The following SEC23B variants were observed in gnomAD, a reference collection of about 807,000 sequenced individuals.
SEC23B encodes the protein protein transport protein Sec23B.
A neutral mutation model predicts 104.3 loss-of-function variants in SEC23B; 77 were observed. The ratio of observed to expected loss-of-function variants is 0.74; its 90% confidence interval spans 0.61 to 0.89. The LOEUF (loss-of-function observed/expected upper bound fraction) is 0.89, where lower values mean the gene tolerates loss of function less well. Ranked by LOEUF, SEC23B falls within the 40% of genes least tolerant of loss-of-function variation. The pLI is 0.00. For missense variants in SEC23B, 885 were observed against 949.4 expected, an observed-to-expected ratio of 0.93 and a Z score of 0.89; for synonymous variants, 338 against 332.5, an observed-to-expected ratio of 1.02 and a Z score of -0.18.
At position 18,507,968 on chromosome 20, in the gene SEC23B, G is replaced by C. The variant is rs561213394; in HGVS notation, c.-19G>C. ...GCAGCTGTGGGTGAGGACGGCTCTA[G>C]CTAGGTGAGCGGCTCCGGCCAGGTG... On this transcript the variant is annotated 5_prime_UTR_variant, in exon 1 of 20. Coordinates refer to ENST00000650089, the MANE Select transcript of SEC23B (RefSeq NM_006363.6). 6.5e-6 allele frequency: 1 copy of C among 152,698 alleles called. No individual in the cohort carries two copies. Among genetic ancestry groups the C allele is most frequent in the Non-Finnish European group, 1.5e-5 (1 of 68,418 alleles). The allele number at this position is 152,698 out of a possible 1,614,324, so 9.5% of individuals were successfully genotyped here.
At chr20:18,534,462 A>G (rs2148907474) in intron 11 of SEC23B, among the ~76,000 whole-genome samples, 1 of 152,310 alleles carries the variant, frequency 6.6e-6, no homozygotes, top group African/African-American at 2.4e-5. Flanking sequence ...GTTCCTGGGC[A>G]GTGTGTACTT....
chr20:18,512,558 C>T (rs1463818586), intron 3 of SEC23B, among the ~76,000 whole-genome samples: 2 of 152,102 alleles, frequency 1.3e-5, no homozygotes, highest in African/African-American at 4.8e-5. Flanking sequence ...GAATCTGTGA[C>T]CCAAAGAAAG....
chr20:18,511,434 C>A (rs1013682024), intron 2 of SEC23B, among the ~76,000 whole-genome samples: 1 of 151,636 alleles, frequency 6.6e-6, no homozygotes, highest in Non-Finnish European at 1.5e-5. Context: ...TTCCCGGGTA[C>A]AGTGATGCTA....
Position 18,526,386 on chromosome 20 carries a change from A to G in SEC23B, c.848A>G (p.Asn283Ser). The change falls in exon 8 of 20, where the codon AAC becomes AGC. Residue 283 changes from asparagine (N) to serine (S), a missense_variant. Coordinates refer to ENST00000650089, the MANE Select transcript of SEC23B (RefSeq NM_006363.6). The part of the protein sequence containing the change: ...AVGLLEGTFP[N>S]TGARIMLFTG... ...TCGCTATTTTAGGGCACTTTTCCAA[A>G]CACAGGAGCCAGGATCATGCTGTTT... 2 of 1,614,106 alleles carry G rather than the reference A, an allele frequency of 1.2e-6. No individual in the cohort carries two copies. Among genetic ancestry groups the G allele is most frequent in the Non-Finnish European group, 1.7e-6 (2 of 1,179,964 alleles).
Position 18,527,626 on chromosome 20 carries a change from A to G in SEC23B, c.1109+15A>G, listed in dbSNP as rs776980592. 5 of 1,446,004 alleles carry G rather than the reference A, an allele frequency of 3.5e-6. No homozygotes were observed. The South Asian group carries it at 5.7e-5, about 16-fold the overall frequency. The allele number at this position is 1,446,004 out of a possible 1,614,324, so 89.6% of individuals were successfully genotyped here. ...AATCTTACTGGGTATGTTGACAGTGAAAACCTGGGCAGAGTGACAGTGTTA... is the reference window on the plus strand; with the variant it reads ...AATCTTACTGGGTATGTTGACAGTGGAAACCTGGGCAGAGTGACAGTGTTA... On this transcript the variant is annotated intron_variant, in intron 9 of 19. Transcript: ENST00000650089.
At chr20:18,520,628 C>A (rs2060074314) in intron 4 of SEC23B, among the ~76,000 whole-genome samples, 1 of 151,984 alleles carries the variant, frequency 6.6e-6, no homozygotes, top group Non-Finnish European at 1.5e-5. Flanking sequence ...GAATGTTGTC[C>A]AAGTTGGCAC....
At chr20:18,542,946 C>A in intron 13 of SEC23B, 73 bp from the exon 14 acceptor site, 1 of 1,597,174 alleles carries the variant, frequency 6.3e-7, no homozygotes, top group East Asian at 2.2e-5. Flanking sequence ...GCCTGTGTTT[C>A]TTTTTCTGAA....
chr20:18,542,265 A>G, intron 12 of SEC23B, 31 bp from the exon 13 acceptor site: 1 of 1,592,208 alleles, frequency 6.3e-7, no homozygotes, highest in Non-Finnish European at 8.6e-7. Context: ...TGCGCCTATA[A>G]CAGACAAGGT....
chr20:18,541,587 A>G (rs1449700359), intron 12 of SEC23B, among the ~76,000 whole-genome samples: 3 of 152,234 alleles, frequency 2.0e-5, no homozygotes, highest in Non-Finnish European at 4.4e-5. Flanking sequence ...GGGAGGCCCA[A>G]GGAGGAGGAG....
chr20:18,512,165 TAAA>T (rs1203418086), intron 2 of SEC23B, 57 bp from the exon 3 acceptor site: 1 of 1,079,918 alleles, frequency 9.3e-7, no homozygotes, highest in African/African-American at 1.6e-5. Flanking sequence ...ACCTTAAAAA[TAAA>T]AATTTTATTT....
At chr20:18,520,554 TA>T (rs2060073680) in intron 4 of SEC23B, among the ~76,000 whole-genome samples, 1 of 151,898 alleles carries the variant, frequency 6.6e-6, no homozygotes, top group Non-Finnish European at 1.5e-5. Context: ...ATAATTTAGT[TA>T]AAATGTCTCG....
intron 17 of SEC23B, among the ~76,000 whole-genome samples, chr20:18,551,748 TAAAA>T (rs1049740359): frequency 2.6e-5 from 4 of 152,066 alleles, no homozygotes; most frequent in Admixed American, 6.6e-5. Context: ...ATATATGCTG[TAAAA>T]AAATCTCAGG....
At chr20:18,509,993 T>C (rs2059967317) in intron 1 of SEC23B, 1 of 152,196 alleles carries the variant, frequency 6.6e-6, no homozygotes, top group South Asian at 2.1e-4. Flanking sequence ...AGAAATAATT[T>C]AGCTCAAAAC....
chr20:18,530,873 C>T, intron 10 of SEC23B, 70 bp downstream of exon 10: 1 of 1,303,752 alleles, frequency 7.7e-7, no homozygotes, highest in Non-Finnish European at 1.1e-6. Context: ...AACTCCTGGT[C>T]TCAGGCAATT....
At chr20:18,514,528 C>T (rs2060008202) in intron 3 of SEC23B, among the ~76,000 whole-genome samples, 1 of 152,186 alleles carries the variant, frequency 6.6e-6, no homozygotes, top group African/African-American at 2.4e-5. Context: ...TTTGGTCACT[C>T]TGAGGTCACT....
chr20:18,537,593 G>T (rs1445599830), intron 12 of SEC23B, among the ~76,000 whole-genome samples: 4 of 152,150 alleles, frequency 2.6e-5, no homozygotes, highest in East Asian at 3.9e-4. Context: ...TTGTGGGGTG[G>T]GGGAAGGGGG....
intron 12 of SEC23B, among the ~76,000 whole-genome samples, chr20:18,541,397 C>CA (rs1407942480): frequency 6.6e-6 from 1 of 152,238 alleles, no homozygotes; most frequent in Non-Finnish European, 1.5e-5. Flanking sequence ...AGTTTTGGGG[C>CA]AAAAGGCCTA....
chr20:18,523,658 C>G (rs543222137), intron 4 of SEC23B, among the ~76,000 whole-genome samples: 1 of 151,324 alleles, frequency 6.6e-6, no homozygotes, highest in South Asian at 2.1e-4. Flanking sequence ...GTCTTGGCCT[C>G]TCAAAGTGTT....
intron 14 of SEC23B, among the ~76,000 whole-genome samples, chr20:18,543,572 C>T (rs1210710910): frequency 6.6e-6 from 1 of 152,108 alleles, no homozygotes; most frequent in Non-Finnish European, 1.5e-5. Flanking sequence ...AGAAGTCACA[C>T]TGTAATTTAA....
Sources: gnomAD v4.1 joint callset for allele counts (sites outside exome capture counted in the v4.1 genomes callset) on GRCh38, gnomAD v4.1.1 for gene constraint, MANE v1.5 for transcripts, NCBI Gene and HGNC (gene_info 2026-07-23, HGNC 2026-07-21) for gene names.